SNTB2: variants seen among roughly 807,000 people sequenced by gnomAD.
SNTB2 encodes beta-2-syntrophin.
In SNTB2, 34 loss-of-function variants were observed where a neutral mutation model predicts 46.2. The ratio of observed to expected loss-of-function variants is 0.74; its 90% CI spans 0.56 to 0.98. SNTB2 has a LOEUF of 0.98. SNTB2 is among the 50% of genes least tolerant of loss of function. The pLI, the probability that SNTB2 is intolerant of heterozygous loss-of-function variation, is 0.00. For missense variants in SNTB2, 603 were observed against 731.4 expected, an observed-to-expected ratio of 0.82 and a Z score of 2.02; for synonymous variants, 290 against 312.6, an observed-to-expected ratio of 0.93 and a Z score of 0.76.
intron 1 of SNTB2, among the ~76,000 whole-genome samples, chr16:69,236,787 A>C (rs573645730): frequency 1.4e-4 from 21 of 152,082 alleles, no homozygotes; most frequent in Admixed American, 1.2e-3. Flanking sequence ...GAACAATTTC[A>C]GATGTGATTT....
intron 2 of SNTB2, among the ~76,000 whole-genome samples, chr16:69,257,085 C>T (rs552419832): frequency 3.3e-5 from 5 of 151,528 alleles, no homozygotes; most frequent in African/African-American, 4.8e-5. Flanking sequence ...GCAGGAGAAT[C>T]GCTTGAACCC....
chr16:69,195,229 CGT>C (rs548797867), intron 1 of SNTB2, among the ~76,000 whole-genome samples: 126 of 152,028 alleles, frequency 8.3e-4, no homozygotes, highest in African/African-American at 2.9e-3. Flanking sequence ...TCAAAATAGA[CGT>C]ATATGATTTA....
chr16:69,254,187 C>T (rs1964751610), intron 2 of SNTB2, among the ~76,000 whole-genome samples: 1 of 152,098 alleles, frequency 6.6e-6, no homozygotes, highest in South Asian at 2.1e-4. Flanking sequence ...GATTCTGAAT[C>T]TTCTGCTAGA....
At chr16:69,205,072 C>T (rs145280293) in intron 1 of SNTB2, among the ~76,000 whole-genome samples, 5 of 152,204 alleles carry the variant, frequency 3.3e-5, no homozygotes, top group African/African-American at 1.2e-4. Context: ...CAATTTACTT[C>T]CCTAGACTTT....
chr16:69,214,136 T>A (rs140874718), intron 1 of SNTB2, among the ~76,000 whole-genome samples: 2,290 of 150,268 alleles, frequency 0.015, 27 homozygotes, highest in Non-Finnish European at 0.017. Context: ...TATTTTTTTT[T>A]TTTTTATTTT....
intron 3 of SNTB2, among the ~76,000 whole-genome samples, chr16:69,261,208 C>G (rs1228852440): frequency 6.6e-6 from 1 of 151,888 alleles, no homozygotes; most frequent in Admixed American, 6.6e-5. Context: ...TCCAAAAAAG[C>G]AGAATCAGCA....
intron 5 of SNTB2, 93 bp from the exon 6 acceptor site, chr16:69,299,497 T>C (rs1487635987): frequency 8.1e-7 from 1 of 1,235,106 alleles, no homozygotes; most frequent in African/African-American, 1.5e-5. Flanking sequence ...CTCAAGAAAA[T>C]ATTTTTCCTA....
In SNTB2 at chr16:69,278,889, AGTGTGTGTGTGT is replaced by A. The variant is rs71148981; in HGVS notation, c.1149-5126_1149-5115del. Among the ~76,000 whole-genome samples the A allele has an allele frequency of 4.7e-3, 666 of 141,002 alleles. 21 individuals are homozygous for A. Among genetic ancestry groups the A allele is most frequent in the Admixed American group, 0.038 (527 of 13,994 alleles). The allele number at this position is 141,002 out of a possible 152,430, so 92.5% of individuals were successfully genotyped here. A position where few individuals can be genotyped will look rare whatever the true frequency, so the allele number is the denominator to read the frequency against. ...TTTATTGATGGACAGAGGTGGGAAG[AGTGTGTGTGTGT>A]GTGTGTGTGTGTGTGTGTGTGTGTG... is the stretch of plus-strand genomic sequence containing the variant. On this transcript the variant is annotated intron_variant, in intron 4 of 6. Coordinates refer to ENST00000336278, the MANE Select transcript of SNTB2 (RefSeq NM_006750.4).
At chr16:69,268,792 G>C (rs761399269) in intron 3 of SNTB2, among the ~76,000 whole-genome samples, 3 of 151,850 alleles carry the variant, frequency 2.0e-5, no homozygotes, top group Non-Finnish European at 4.4e-5. Flanking sequence ...TTGAACCTGG[G>C]AGGCAGAGGT....
Position 69,261,820 on chromosome 16 carries a change from G to A in SNTB2, c.1005+1560G>A, listed in dbSNP as rs756231335. On this transcript the variant is annotated intron_variant, in intron 3 of 6. Transcript: ENST00000336278. ...GGTGAAAACTCTTGCCCTCATTCCC[G>A]TTACCTATCCACCTGTTATGCCTTT... Among the ~76,000 whole-genome samples, 9 of 152,210 alleles carry A rather than the reference G, an allele frequency of 5.9e-5. 1 individual carries two copies. Among genetic ancestry groups the A allele is most frequent in the African/African-American group, 1.7e-4 (7 of 41,518 alleles).
At chr16:69,224,985 A>G (rs570558139) in intron 1 of SNTB2, among the ~76,000 whole-genome samples, 22 of 152,344 alleles carry the variant, frequency 1.4e-4, no homozygotes, top group African/African-American at 5.0e-4. Flanking sequence ...TGAGTTTACT[A>G]CAGTGGAATT....
At chr16:69,202,727 C>T (rs903199016) in intron 1 of SNTB2, among the ~76,000 whole-genome samples, 1 of 152,142 alleles carries the variant, frequency 6.6e-6, no homozygotes, top group Admixed American at 6.5e-5. Flanking sequence ...AGGCATGTGC[C>T]ACCACGCCTG....
At chr16:69,242,787 C>T (rs112946336) in intron 1 of SNTB2, among the ~76,000 whole-genome samples, 1 of 152,090 alleles carries the variant, frequency 6.6e-6, no homozygotes, top group African/African-American at 2.4e-5. Flanking sequence ...TTTGGGAGGC[C>T]AAGGCGGGTG....
intron 1 of SNTB2, among the ~76,000 whole-genome samples, chr16:69,200,298 A>T (rs1032673798): frequency 1.3e-5 from 2 of 152,184 alleles, no homozygotes. Flanking sequence ...TGGGGAATCA[A>T]TTTCTTTTAC....
At chr16:69,228,994 C>G (rs555034666) in intron 1 of SNTB2, among the ~76,000 whole-genome samples, 2 of 152,102 alleles carry the variant, frequency 1.3e-5, no homozygotes, top group Admixed American at 6.6e-5. Flanking sequence ...GAGCATCAAT[C>G]GTAGGCTAAT....
At chr16:69,196,316 T>TA (rs1278936879) in intron 1 of SNTB2, among the ~76,000 whole-genome samples, 1 of 151,820 alleles carries the variant, frequency 6.6e-6, no homozygotes, top group East Asian at 1.9e-4. Flanking sequence ...TAATGACACT[T>TA]ATGGAGAGCT....
chr16:69,283,092 C>A (rs565698510), intron 4 of SNTB2, among the ~76,000 whole-genome samples: 12 of 152,212 alleles, frequency 7.9e-5, no homozygotes, highest in Admixed American at 5.2e-4. Flanking sequence ...CACAGATGCA[C>A]ACCACCATGC....
chr16:69,207,628 A>AT (rs993242609), intron 1 of SNTB2, among the ~76,000 whole-genome samples: 155 of 152,356 alleles, frequency 1.0e-3, no homozygotes, highest in African/African-American at 3.5e-3. Context: ...TGCACAGATC[A>AT]TAAAAACGTG....
In SNTB2 at chr16:69,307,441, G is replaced by A. The variant is rs756443797; in HGVS notation, c.*6517G>A. The stretch of plus-strand genomic sequence containing the variant: ...AAGAGAACAGTATACAGTATCCTTT[G>A]TAAGATAAATCACAACAACAAAAAT... On this transcript the variant is annotated 3_prime_UTR_variant, in exon 7 of 7. Coordinates refer to ENST00000336278, the MANE Select transcript of SNTB2 (RefSeq NM_006750.4). The A allele has an allele frequency of 3.3e-5, 5 of 152,060 alleles. No homozygotes were observed. The highest frequency in any genetic ancestry group is 7.4e-5 in the Non-Finnish European group (5 of 68,020). The allele number at this position is 152,060 out of a possible 1,614,324, so 9.4% of individuals were successfully genotyped here.
Sources: allele counts gnomAD v4.1 joint callset (sites outside exome capture counted in the v4.1 genomes callset), GRCh38; gene constraint gnomAD v4.1.1; transcripts MANE v1.5; gene names NCBI Gene and HGNC (gene_info 2026-07-23, HGNC 2026-07-21).